The following MLLT1 variants were observed in gnomAD, a reference collection of about 807,000 sequenced individuals.
MLLT1 encodes MLLT1 super elongation complex subunit.
Under a neutral mutation model 55.1 loss-of-function variants are expected in MLLT1, and 11 were observed. The ratio of observed to expected loss-of-function variants is 0.20; its 90% CI spans 0.13 to 0.33. The LOEUF (loss-of-function observed/expected upper bound fraction) is 0.33, where lower values mean the gene tolerates loss of function less well. Among genes scored for constraint, MLLT1 ranks in the 10% least tolerant of loss-of-function variants. The pLI is 1.00. For missense variants in MLLT1, 536 were observed against 760.6 expected (o/e 0.70, Z 3.47); for synonymous variants, 323 against 320.1 (o/e 1.01, Z -0.10).
chr19:6,252,283 C>T (rs961587921), intron 3 of MLLT1, among the ~76,000 whole-genome samples: 2 of 152,324 alleles, frequency 1.3e-5, no homozygotes, highest in African/African-American at 2.4e-5. Flanking sequence ...TTCTCTGCTG[C>T]GGAGGCGTCT....
Position 6,273,766 on chromosome 19 carries a change from A to C in MLLT1, c.13-3007T>G, listed in dbSNP as rs2091412290. On this transcript the variant is annotated intron_variant, in intron 1 of 11. Transcript: ENST00000252674. The surrounding 1 kb of genome is among the most constrained non-coding windows in gnomAD (Gnocchi z 4.3). Reference sequence around the variant, plus strand: ...AACGACCCCTGCTTCTGTGGAGCTGACTCCCACACAATGACAGTGTCTCCT... The same window carrying C: ...AACGACCCCTGCTTCTGTGGAGCTGCCTCCCACACAATGACAGTGTCTCCT... Among the ~76,000 whole-genome samples, 1 of 152,014 alleles carries C rather than the reference A, an allele frequency of 6.6e-6. No individual in the cohort carries two copies. The highest frequency in any genetic ancestry group is 6.6e-5 in the Admixed American group (1 of 15,264).
At chr19:6,237,851 C>T (rs566980650) in intron 3 of MLLT1, among the ~76,000 whole-genome samples, 23 of 152,076 alleles carry the variant, frequency 1.5e-4, no homozygotes, top group African/African-American at 5.3e-4. Context: ...CCTGCAATCC[C>T]GGCACTTTGG....
intron 8 of MLLT1, among the ~76,000 whole-genome samples, chr19:6,215,724 A>G (rs2090835952): frequency 6.6e-6 from 1 of 151,960 alleles, no homozygotes; most frequent in Non-Finnish European, 1.5e-5. Context: ...TCACGGGAGG[A>G]GGGGCTGACT....
intron 1 of MLLT1, among the ~76,000 whole-genome samples, chr19:6,271,656 T>C (rs2091395916): frequency 6.6e-6 from 1 of 152,236 alleles, no homozygotes; most frequent in South Asian, 2.1e-4. Flanking sequence ...CCACCCTGCT[T>C]TGTAAAAACC....
chr19:6,214,059 G>C, intron 8 of MLLT1, 21 bp from the exon 9 acceptor site: 1 of 1,378,728 alleles, frequency 7.3e-7, no homozygotes, highest in Non-Finnish European at 9.5e-7. Flanking sequence ...ACACGGGGGC[G>C]CATCAGGCCC....
chr19:6,212,807 C>T lies in MLLT1; in HGVS notation c.*235G>A. On this transcript the variant is annotated 3_prime_UTR_variant, in exon 12 of 12. Coordinates refer to ENST00000252674, the MANE Select transcript of MLLT1 (RefSeq NM_005934.4). Reference sequence around the variant, plus strand: ...CACCAGCCGCTCTCTGAGGGGAGCCCAGAGAGCCCGGGGGGCGGCTCCCGT... The same window carrying T: ...CACCAGCCGCTCTCTGAGGGGAGCCTAGAGAGCCCGGGGGGCGGCTCCCGT... 1.1e-6 allele frequency: 1 copy of T among 922,008 alleles called. No homozygotes were observed. The highest frequency in any genetic ancestry group is 1.8e-5 in the African/African-American group (1 of 56,752). 57.1% of individuals were successfully genotyped at this position (922,008 alleles called of 1,614,324 possible).
rs559335142 is a variant in MLLT1, at chr19:6,212,751, C to T, written c.*291G>A. Reference sequence around the variant, plus strand: ...GTCCCAAGGCTGGGCGAGGGGCCCCCGGCCCTGTCTCTGCCCAGAGCTGCC... The same window carrying T: ...GTCCCAAGGCTGGGCGAGGGGCCCCTGGCCCTGTCTCTGCCCAGAGCTGCC... On this transcript the variant is annotated 3_prime_UTR_variant, in exon 12 of 12. Transcript: ENST00000252674. The T allele has an allele frequency of 1.0e-4, 112 of 1,094,352 alleles. No individual in the cohort carries two copies. The highest frequency in any genetic ancestry group is 3.3e-4 in the South Asian group (13 of 39,172). 67.8% of individuals were successfully genotyped at this position (1,094,352 alleles called of 1,614,324 possible). A position where few individuals can be genotyped will look rare whatever the true frequency, so the allele number is the denominator to read the frequency against.
chr19:6,221,876 A>G (rs3787069), intron 6 of MLLT1, among the ~76,000 whole-genome samples: 10,749 of 152,222 alleles, frequency 0.071, 780 homozygotes, highest in African/African-American at 0.18. Flanking sequence ...TACCAGAGCC[A>G]CCCACAAATG....
At position 6,218,183 on chromosome 19, in the gene MLLT1, G is replaced by C. The variant is rs895165920; in HGVS notation, c.1111-142C>G. On this transcript the variant is annotated intron_variant, in intron 6 of 11. Transcript: ENST00000252674. ...CCTAGGGTCCCAAGGGTACCCACGT[G>C]TGCCGCTGAGAACCCACTAAGGAGC... 7.7e-6 allele frequency: 10 copies of C among 1,297,792 alleles called. No homozygotes were observed. In the African/African-American group the frequency reaches 1.5e-4, roughly 20 times the overall value. The allele number at this position is 1,297,792 out of a possible 1,614,324, so 80.4% of individuals were successfully genotyped here.
chr19:6,249,853 T>C (rs1398417143), intron 3 of MLLT1, among the ~76,000 whole-genome samples: 1 of 151,868 alleles, frequency 6.6e-6, no homozygotes, highest in Non-Finnish European at 1.5e-5. Context: ...CAAGACCTCA[T>C]CTCTACAAAA....
chr19:6,237,370 G>A (rs1273161374), intron 3 of MLLT1, among the ~76,000 whole-genome samples: 3 of 152,164 alleles, frequency 2.0e-5, no homozygotes, highest in Non-Finnish European at 4.4e-5. Context: ...GACCCTGGCT[G>A]TCTCCTGGCC....
chr19:6,231,024 A>T lies in MLLT1; in HGVS notation c.277-311T>A, dbSNP rs113463577. Among the ~76,000 whole-genome samples, 405 of 152,290 alleles carry T rather than the reference A, an allele frequency of 2.7e-3. 2 individuals are homozygous for T. Among genetic ancestry groups the T allele is most frequent in the African/African-American group, 9.3e-3 (386 of 41,560 alleles). ...TCACAGCGCCACTGACAGACAGGGA[A>T]ACCGACGCACAGACACCAACTAACA... is the stretch of plus-strand genomic sequence containing the variant. On this transcript the variant is annotated intron_variant, in intron 3 of 11. Coordinates refer to ENST00000252674, the MANE Select transcript of MLLT1 (RefSeq NM_005934.4). The surrounding 1 kb of genome is among the most constrained non-coding windows in gnomAD (Gnocchi z 5.1).
In MLLT1 at chr19:6,212,493, A is replaced by C; in HGVS notation, c.*549T>G. ...ACCAGACAGTGCACACACATATATA[A>C]TAGAGAGAACTATACAGCACAGACC... On this transcript the variant is annotated 3_prime_UTR_variant, in exon 12 of 12. Transcript: ENST00000252674. The C allele has an allele frequency of 2.8e-6, 3 of 1,067,044 alleles. No individual in the cohort carries two copies. The highest frequency in any genetic ancestry group is 3.4e-6 in the Non-Finnish European group (3 of 880,698). The allele number at this position is 1,067,044 out of a possible 1,614,324, so 66.1% of individuals were successfully genotyped here.
chr19:6,272,699 G>C (rs1797742769), intron 1 of MLLT1, among the ~76,000 whole-genome samples: 2 of 152,226 alleles, frequency 1.3e-5, no homozygotes, highest in Admixed American at 1.3e-4. Flanking sequence ...CAGGAGGCCT[G>C]GACGATGCTG....
Position 6,222,747 on chromosome 19 carries a change from C to T in MLLT1, c.547-63G>A. ...AAGGTCACGTGGCATTGCGGGGCGC[C>T]CTGCTCCGCCACCCCTGACCCCTAC... is the stretch of plus-strand genomic sequence containing the variant. On this transcript the variant is annotated intron_variant, in intron 5 of 11. Transcript: ENST00000252674. The surrounding 1 kb of genome is among the most constrained non-coding windows in gnomAD (Gnocchi z 4.1). 2.2e-6 allele frequency: 3 copies of T among 1,365,890 alleles called. No individual in the cohort carries two copies. Among genetic ancestry groups the T allele is most frequent in the Non-Finnish European group, 2.9e-6 (3 of 1,022,590 alleles). 84.6% of individuals were successfully genotyped at this position (1,365,890 alleles called of 1,614,324 possible).
intron 1 of MLLT1, among the ~76,000 whole-genome samples, chr19:6,277,902 C>T (rs1162522072): frequency 1.3e-5 from 2 of 152,198 alleles, no homozygotes; most frequent in Non-Finnish European, 2.9e-5. Flanking sequence ...CAACTCACAC[C>T]ACGCCGTGGA....
chr19:6,213,741 C>G lies in MLLT1; in HGVS notation c.1464G>C (p.Lys488Asn). ...GCCCCCCCACCTTGTCGTAGGTGCC[C>G]TTCTTGAGGATCTTCTCAGGCTTGC... ...SCSKPEKILK[K>N]GTYDKAYTDE... Residue 488 changes from lysine (K) to asparagine (N), a missense_variant, in exon 10 of 12, where the codon AAG becomes AAC. Physicochemically the swap from Lys to Asn is moderately conservative, Grantham distance 94. Around this residue, in one of 3 missense-constraint regions of MLLT1, gnomAD observed 449 missense variants for 489.0 expected, o/e 0.92. Coordinates refer to ENST00000252674, the MANE Select transcript of MLLT1 (RefSeq NM_005934.4). 3 of 1,613,388 alleles carry G rather than the reference C, an allele frequency of 1.9e-6. No individual in the cohort carries two copies. Among genetic ancestry groups the G allele is most frequent in the Non-Finnish European group, 1.7e-6 (2 of 1,179,738 alleles).
rs1568298589 is a variant in MLLT1 at position 6,270,867 on chromosome 19, G to A, written c.13-108C>T. On this transcript the variant is annotated intron_variant, in intron 1 of 11. Coordinates refer to ENST00000252674, the MANE Select transcript of MLLT1 (RefSeq NM_005934.4). This position sits in a 1 kb window ranked among gnomAD's most constrained non-coding sequence, Gnocchi z 7.1. ...ATAAAGACCCCCAGCAGTGCAATAC[G>A]CTCTCAACCCAGTGAGCAGCACACA... 4 of 1,054,894 alleles carry A rather than the reference G, an allele frequency of 3.8e-6. No homozygotes were observed. The highest frequency in any genetic ancestry group is 2.8e-5 in the Admixed American group (1 of 36,038). 65.3% of individuals were successfully genotyped at this position (1,054,894 alleles called of 1,614,324 possible).
At chr19:6,261,699 T>C (rs1299566258) in intron 3 of MLLT1, among the ~76,000 whole-genome samples, 1 of 151,208 alleles carries the variant, frequency 6.6e-6, no homozygotes, top group East Asian at 1.9e-4. Context: ...GAAAACCCCC[T>C]GGACTCCCAC....
Sources: gnomAD v4.1 joint callset for allele counts (sites outside exome capture counted in the v4.1 genomes callset) on GRCh38, gnomAD v4.1.1 for gene constraint, gnomAD v4.1.1 regional missense constraint, Gnocchi (gnomAD v3.1) non-coding constraint, MANE v1.5 for transcripts, NCBI Gene and HGNC (gene_info 2026-07-23, HGNC 2026-07-21) for gene names.